TMEM131: variants seen among roughly 807,000 people sequenced by gnomAD.
TMEM131 encodes the protein 2610524E03Rik.
Under a neutral mutation model 211.6 loss-of-function variants are expected in TMEM131, and 66 were observed. The ratio of observed to expected loss-of-function variants is 0.31; its 90% CI spans 0.26 to 0.38. The LOEUF is 0.38. TMEM131 is among the 10% of genes least tolerant of loss of function. The probability of loss-of-function intolerance (pLI) is 1.00; values close to 1 mark genes in which losing one functional copy is unlikely to be tolerated. For synonymous variants in TMEM131, 844 were observed against 841.3 expected, an observed-to-expected ratio of 1.00 and a Z score of -0.06; for missense variants, 2,036 against 2,299.3, an observed-to-expected ratio of 0.89 and a Z score of 2.34.
At chr2:97,920,698 A>G (rs1439153093) in intron 2 of TMEM131, among the ~76,000 whole-genome samples, 1 of 152,226 alleles carries the variant, frequency 6.6e-6, no homozygotes, top group Admixed American at 6.5e-5. Context: ...GGCATCAGCA[A>G]TATGCTTCAA....
At chr2:97,863,470 T>C (rs1362427738) in intron 4 of TMEM131, among the ~76,000 whole-genome samples, 5 of 152,046 alleles carry the variant, frequency 3.3e-5, no homozygotes, top group African/African-American at 4.8e-5. Context: ...GCTCACAGAA[T>C]GGGAGGAAAT....
At chr2:97,994,725 A>G (rs139540642) in intron 1 of TMEM131, among the ~76,000 whole-genome samples, 20 of 152,348 alleles carry the variant, frequency 1.3e-4, no homozygotes, top group African/African-American at 4.6e-4. Flanking sequence ...AGATTACAAA[A>G]TAATTTTTGA....
At chr2:97,768,534 C>T (rs147431348) in intron 33 of TMEM131, among the ~76,000 whole-genome samples, 1 of 152,344 alleles carries the variant, frequency 6.6e-6, no homozygotes, top group Admixed American at 6.5e-5. Flanking sequence ...CAGATGATCT[C>T]TATCAAGAAT....
chr2:97,791,091 T>A (rs995207609), intron 31 of TMEM131, among the ~76,000 whole-genome samples: 1 of 152,228 alleles, frequency 6.6e-6, no homozygotes, highest in Admixed American at 6.5e-5. Flanking sequence ...TTAGCATGGC[T>A]GCCACAAGAC....
chr2:97,882,638 C>A (rs564966994), intron 4 of TMEM131, among the ~76,000 whole-genome samples: 1 of 152,222 alleles, frequency 6.6e-6, no homozygotes, highest in African/African-American at 2.4e-5. Flanking sequence ...CTTACTGACT[C>A]CCTGGCCCTG....
In TMEM131 at chr2:97,821,274, C is replaced by T. The variant is rs1455186664; in HGVS notation, c.1075-2553G>A. On this transcript the variant is annotated intron_variant, in intron 11 of 40. Coordinates refer to ENST00000186436, the MANE Select transcript of TMEM131 (RefSeq NM_015348.2). ...TGCACCAATCAGCACTCTGTAAAAA[C>T]GCACCAATCAGTGCTCTGTGTCTAG... Among the ~76,000 whole-genome samples the T allele has an allele frequency of 4.6e-5, 7 of 152,290 alleles. No individual in the cohort carries two copies. In the South Asian group the frequency reaches 6.2e-4, roughly 14 times the overall value.
At chr2:97,812,382 T>A in intron 17 of TMEM131, 39 bp downstream of exon 17, 1 of 1,573,262 alleles carries the variant, frequency 6.4e-7, no homozygotes, top group Non-Finnish European at 8.6e-7. Context: ...AGTTTAGACA[T>A]CCATCTTACT....
intron 11 of TMEM131, among the ~76,000 whole-genome samples, chr2:97,828,229 G>A (rs578101661): frequency 5.4e-4 from 82 of 152,016 alleles, no homozygotes; most frequent in African/African-American, 1.9e-3. Context: ...AAAGTCACTG[G>A]AATAACTTTA....
At chr2:97,870,264 A>G (rs947327482) in intron 4 of TMEM131, among the ~76,000 whole-genome samples, 4 of 152,184 alleles carry the variant, frequency 2.6e-5, no homozygotes, top group African/African-American at 9.7e-5. Flanking sequence ...ATGTATGTAC[A>G]GGTACATTAG....
At chr2:97,761,252 C>T (rs553769194) in intron 36 of TMEM131, 108 of 207,622 alleles carry the variant, frequency 5.2e-4, no homozygotes, top group African/African-American at 1.3e-3. Context: ...CCACCGACAC[C>T]GGAAAGGGCG....
At chr2:97,942,963 A>G (rs921854261) in intron 1 of TMEM131, among the ~76,000 whole-genome samples, 4 of 148,976 alleles carry the variant, frequency 2.7e-5, no homozygotes, top group Non-Finnish European at 4.4e-5. Context: ...GGCTACAAAA[A>G]AAAAGAAAGA....
At chr2:97,941,777 A>G (rs1677742159) in intron 1 of TMEM131, among the ~76,000 whole-genome samples, 1 of 152,222 alleles carries the variant, frequency 6.6e-6, no homozygotes, top group African/African-American at 2.4e-5. Context: ...ACAATGCAAT[A>G]CCATCTCACA....
intron 3 of TMEM131, among the ~76,000 whole-genome samples, chr2:97,897,301 C>T (rs1329221662): frequency 6.6e-6 from 1 of 152,050 alleles, no homozygotes; most frequent in East Asian, 1.9e-4. Context: ...ACTACCACAT[C>T]CAGTACAATG....
intron 3 of TMEM131, among the ~76,000 whole-genome samples, chr2:97,897,919 T>G (rs1209337977): frequency 1.3e-5 from 2 of 152,114 alleles, no homozygotes; most frequent in East Asian, 3.9e-4. Flanking sequence ...ATTTTCTAAT[T>G]CTCTCTTGGT....
chr2:97,947,079 T>C lies in TMEM131; in HGVS notation c.188-19592A>G, dbSNP rs145950822. 3.2e-3 allele frequency among the ~76,000 whole-genome samples: 493 copies of C among 152,140 alleles called. 7 individuals carry two copies. The East Asian group carries it at 0.041, about 13-fold the overall frequency. On this transcript the variant is annotated intron_variant, in intron 1 of 40. Coordinates refer to ENST00000186436, the MANE Select transcript of TMEM131 (RefSeq NM_015348.2). ...AACTTCCTTAAGCTGATAAAAGACA[T>C]GTACAAAAGATATACAGCTATCATC...
chr2:97,845,420 A>T (rs1027599052), intron 5 of TMEM131, among the ~76,000 whole-genome samples: 2 of 152,200 alleles, frequency 1.3e-5, no homozygotes, highest in Non-Finnish European at 2.9e-5. Flanking sequence ...GCCAGAAATT[A>T]GCAACAGAAA....
intron 11 of TMEM131, among the ~76,000 whole-genome samples, chr2:97,819,733 CCTG>C (rs1431953897): frequency 1.3e-5 from 2 of 152,218 alleles, no homozygotes; most frequent in Admixed American, 6.5e-5. Flanking sequence ...CTTGTCAAAG[CCTG>C]CTATTTCCCG....
rs1375030133 is a variant in TMEM131 at position 97,972,412 on chromosome 2, GAAAAAGGAA to G, written c.187+23055_187+23063del. Among the ~76,000 whole-genome samples, 3 of 120,000 alleles carry G rather than the reference GAAAAAGGAA, an allele frequency of 2.5e-5. No individual in the cohort carries two copies. In the East Asian group the frequency reaches 8.4e-4, roughly 34 times the overall value. The allele number at this position is 120,000 out of a possible 152,430, so 78.7% of individuals were successfully genotyped here. On this transcript the variant is annotated intron_variant, in intron 1 of 40. Transcript: ENST00000186436. ...ATCCCCTGTTAAAAAAGAAAGAAAAGAAAAAGGAAAGAAAGGAAAGAAAGGGGAGGGAGG... is the reference window on the plus strand; with the variant it reads ...ATCCCCTGTTAAAAAAGAAAGAAAAGAGAAAGGAAAGAAAGGGGAGGGAGG...
intron 39 of TMEM131, 99 bp downstream of exon 39, chr2:97,759,553 G>C (rs1678703787): frequency 9.5e-7 from 1 of 1,050,600 alleles, no homozygotes; most frequent in Admixed American, 2.1e-5. Flanking sequence ...CTCTTCCACA[G>C]TGCTGCTGTG....
Sources: allele counts gnomAD v4.1 joint callset (sites outside exome capture counted in the v4.1 genomes callset), GRCh38; gene constraint gnomAD v4.1.1; transcripts MANE v1.5; gene names NCBI Gene and HGNC (gene_info 2026-07-23, HGNC 2026-07-21).